ZNF804B: variants seen among roughly 807,000 people sequenced by gnomAD.
ZNF804B encodes the protein zinc finger 804B.
In ZNF804B, 80 loss-of-function variants were observed where a neutral mutation model predicts 101.4. The observed-to-expected ratio is 0.79, with a 90% CI of 0.66 to 0.95. ZNF804B has a LOEUF of 0.95. Ranked by LOEUF, ZNF804B falls within the 40% of genes least tolerant of loss-of-function variation. ZNF804B has a pLI of 0.00. For synonymous variants in ZNF804B, 622 were observed against 558.8 expected (o/e 1.11, Z -1.59); for missense variants, 1,673 against 1,561.9 (o/e 1.07, Z -1.20).
chr7:89,247,963 A>C (rs112033506), intron 2 of ZNF804B, among the ~76,000 whole-genome samples: 26 of 152,340 alleles, frequency 1.7e-4, no homozygotes, highest in African/African-American at 6.3e-4. Flanking sequence ...TACAATGGAA[A>C]GCTTTATCAA....
intron 1 of ZNF804B, among the ~76,000 whole-genome samples, chr7:88,988,147 A>G (rs1179409003): frequency 6.6e-6 from 1 of 151,914 alleles, no homozygotes; most frequent in Non-Finnish European, 1.5e-5. Flanking sequence ...TTATTAGTTT[A>G]TTAAACAAAA....
chr7:88,881,490 C>A (rs1308412601), intron 1 of ZNF804B, among the ~76,000 whole-genome samples: 1 of 152,086 alleles, frequency 6.6e-6, no homozygotes, highest in African/African-American at 2.4e-5. Flanking sequence ...GAACAATCAG[C>A]ACTCTTTGTG....
At chr7:88,877,047 ATATTTTTTTTTT>A (rs1416953847) in intron 1 of ZNF804B, among the ~76,000 whole-genome samples, 21 of 28,772 alleles carry the variant, frequency 7.3e-4, no homozygotes, top group Admixed American at 1.1e-3. Context: ...ATATATATAT[ATATTTTTTTTTT>A]TTTTTTTTTT....
At chr7:89,131,660 T>C (rs996781872) in intron 1 of ZNF804B, among the ~76,000 whole-genome samples, 2 of 152,174 alleles carry the variant, frequency 1.3e-5, no homozygotes, top group Non-Finnish European at 2.9e-5. Flanking sequence ...ATGAACTACT[T>C]ATGTGTGATT....
At chr7:88,902,584 T>A (rs1178076111) in intron 1 of ZNF804B, among the ~76,000 whole-genome samples, 1 of 152,004 alleles carries the variant, frequency 6.6e-6, no homozygotes, top group Non-Finnish European at 1.5e-5. Flanking sequence ...AAAGTTAATG[T>A]GTTGAGTCCA....
chr7:89,240,169 T>G (rs1182051903), intron 2 of ZNF804B, among the ~76,000 whole-genome samples: 1 of 152,072 alleles, frequency 6.6e-6, no homozygotes, highest in Admixed American at 6.6e-5. Context: ...AAATTGTCAT[T>G]TTATAAGTAG....
rs1411380597 is a variant in ZNF804B at position 89,178,872 on chromosome 7, C to T, written c.109-39283C>T. ...CAGGTCTCCTGTTTATAAAATCCTT[C>T]ACCTTTTGTTCGTCTGGGAAAGTCT... On this transcript the variant is annotated intron_variant, in intron 1 of 3. Transcript: ENST00000333190. Among the ~76,000 whole-genome samples, 15 of 152,242 alleles carry T rather than the reference C, an allele frequency of 9.9e-5. No homozygotes were observed. The East Asian group carries it at 2.9e-3, about 29-fold the overall frequency.
intron 1 of ZNF804B, among the ~76,000 whole-genome samples, chr7:89,002,240 G>T (rs1397588549): frequency 6.6e-6 from 1 of 151,744 alleles, no homozygotes; most frequent in African/African-American, 2.4e-5. Context: ...ACAATTTATA[G>T]ATGGGCACTA....
chr7:88,785,542 T>A (rs1790288826), intron 1 of ZNF804B, among the ~76,000 whole-genome samples: 1 of 152,138 alleles, frequency 6.6e-6, no homozygotes, highest in South Asian at 2.1e-4. Context: ...ATTTCTCTCA[T>A]AAAAATAAAA....
At chr7:89,324,183 C>T (rs987590640) in intron 2 of ZNF804B, among the ~76,000 whole-genome samples, 2 of 150,956 alleles carry the variant, frequency 1.3e-5, no homozygotes, top group African/African-American at 5.0e-5. Flanking sequence ...AATAGCAAGA[C>T]GTTGAAATAT....
intron 2 of ZNF804B, among the ~76,000 whole-genome samples, chr7:89,319,454 C>T (rs1790785127): frequency 6.6e-6 from 1 of 152,132 alleles, no homozygotes; most frequent in South Asian, 2.1e-4. Context: ...CTGAAAACCC[C>T]TCCCATACAT....
At chr7:89,311,851 A>G (rs34091263) in intron 2 of ZNF804B, among the ~76,000 whole-genome samples, 17,312 of 152,258 alleles carry the variant, frequency 0.11, 2,221 homozygotes, top group East Asian at 0.69. Flanking sequence ...TTACAATGAC[A>G]CTACAAAGTT....
intron 1 of ZNF804B, among the ~76,000 whole-genome samples, chr7:88,891,366 A>T (rs566029256): frequency 1.3e-5 from 2 of 152,124 alleles, no homozygotes; most frequent in Non-Finnish European, 2.9e-5. Flanking sequence ...ATTAAAGTCT[A>T]TTTTGTCCAA....
At chr7:88,847,677 A>C (rs1791396156) in intron 1 of ZNF804B, among the ~76,000 whole-genome samples, 1 of 152,140 alleles carries the variant, frequency 6.6e-6, no homozygotes, top group Non-Finnish European at 1.5e-5. Flanking sequence ...AATAAAATAA[A>C]TTATGATAAA....
At chr7:89,312,152 A>C (rs1355157404) in intron 2 of ZNF804B, among the ~76,000 whole-genome samples, 1 of 152,086 alleles carries the variant, frequency 6.6e-6, no homozygotes, top group Non-Finnish European at 1.5e-5. Flanking sequence ...ACTCTAGTCC[A>C]CTCTGAGTTA....
At chr7:88,841,815 A>G (rs2115806640) in intron 1 of ZNF804B, among the ~76,000 whole-genome samples, 1 of 152,274 alleles carries the variant, frequency 6.6e-6, no homozygotes, top group Middle Eastern at 3.4e-3. Flanking sequence ...TAAAACCTGT[A>G]TTGACTTCTG....
chr7:89,171,288 G>GCTGCTGCTGCTGCTGCTGCTTCTT (rs1215246589), intron 1 of ZNF804B, among the ~76,000 whole-genome samples: 4 of 82,474 alleles, frequency 4.9e-5, no homozygotes, highest in Non-Finnish European at 7.8e-5. Context: ...TGCTGCTGCT[G>GCTGCTGCTGCTGCTGCTGCTTCTT]CTTCTTCTTC....
chr7:88,769,099 G>A (rs1435387674), intron 1 of ZNF804B, among the ~76,000 whole-genome samples: 1 of 152,028 alleles, frequency 6.6e-6, no homozygotes, highest in Non-Finnish European at 1.5e-5. Flanking sequence ...ATGTTGTAGT[G>A]GGGGAAAACT....
At chr7:89,032,549 A>G (rs1055446473) in intron 1 of ZNF804B, among the ~76,000 whole-genome samples, 2 of 152,148 alleles carry the variant, frequency 1.3e-5, no homozygotes, top group African/African-American at 4.8e-5. Context: ...CTTTATTTCA[A>G]TAAGGGTGTT....
Sources: gnomAD v4.1 joint callset for allele counts (sites outside exome capture counted in the v4.1 genomes callset) on GRCh38, gnomAD v4.1.1 for gene constraint, MANE v1.5 for transcripts, NCBI Gene and HGNC (gene_info 2026-07-23, HGNC 2026-07-21) for gene names.